The following GPC5 variants were observed in gnomAD, a reference collection of about 807,000 sequenced individuals.
The protein encoded by GPC5 is glypican-5.
A neutral mutation model predicts 53.9 loss-of-function variants in GPC5; 47 were observed. The observed-to-expected ratio is 0.87, with a 90% CI of 0.69 to 1.11. The LOEUF is 1.11. GPC5 is among the 50% of genes most tolerant of loss of function. The pLI, the probability that GPC5 is intolerant of heterozygous loss-of-function variation, is 0.00. For synonymous variants in GPC5, 286 were observed against 263.3 expected (o/e 1.09, Z -0.84); for missense variants, 748 against 713.1 (o/e 1.05, Z -0.56).
At chr13:91,724,564 A>C (rs1033601230) in intron 3 of GPC5, among the ~76,000 whole-genome samples, 3 of 152,076 alleles carry the variant, frequency 2.0e-5, no homozygotes, top group African/African-American at 7.2e-5. Flanking sequence ...AATGGAGACT[A>C]TGGGGTAGGC....
At chr13:92,347,246 A>G (rs190991332) in intron 7 of GPC5, among the ~76,000 whole-genome samples, 1 of 152,326 alleles carries the variant, frequency 6.6e-6, no homozygotes, top group Non-Finnish European at 1.5e-5. Context: ...AAGACACATA[A>G]TAATCAAACT....
At chr13:92,491,001 T>C (rs1314701407) in intron 7 of GPC5, among the ~76,000 whole-genome samples, 1 of 152,082 alleles carries the variant, frequency 6.6e-6, no homozygotes. Flanking sequence ...CAGATACCTA[T>C]GGAAACTGAG....
intron 5 of GPC5, among the ~76,000 whole-genome samples, chr13:91,766,424 A>G (rs1436100378): frequency 6.6e-6 from 1 of 152,232 alleles, no homozygotes; most frequent in Admixed American, 6.5e-5. Context: ...GCAACCATTC[A>G]TTCATAAAGC....
intron 6 of GPC5, among the ~76,000 whole-genome samples, chr13:92,031,467 C>T (rs1450103061): frequency 1.3e-5 from 2 of 151,424 alleles, no homozygotes; most frequent in Non-Finnish European, 2.9e-5. Context: ...ACACTGTTTT[C>T]CATAGTGATT....
chr13:92,498,833 G>A (rs947421345), intron 7 of GPC5, among the ~76,000 whole-genome samples: 31 of 152,022 alleles, frequency 2.0e-4, no homozygotes, highest in Non-Finnish European at 1.0e-4. Flanking sequence ...ATTCTCGTTC[G>A]CATATTATCC....
chr13:92,068,785 G>C (rs1359991542), intron 6 of GPC5, among the ~76,000 whole-genome samples: 1 of 151,388 alleles, frequency 6.6e-6, no homozygotes, highest in Admixed American at 6.6e-5. Context: ...AACTTAATTT[G>C]TTTTTAATTT....
chr13:91,779,003 C>T (rs2037754967), intron 5 of GPC5, among the ~76,000 whole-genome samples: 1 of 152,146 alleles, frequency 6.6e-6, no homozygotes, highest in African/African-American at 2.4e-5. Flanking sequence ...ATAGAAAAGG[C>T]ACAGTAGAAA....
chr13:92,699,960 T>C (rs111884971), intron 7 of GPC5, among the ~76,000 whole-genome samples: 9 of 152,234 alleles, frequency 5.9e-5, no homozygotes, highest in Middle Eastern at 3.4e-3. Context: ...GTTCCAGAGA[T>C]GAGTTCAAAT....
At chr13:92,223,162 A>G (rs899907459) in intron 7 of GPC5, among the ~76,000 whole-genome samples, 1 of 152,188 alleles carries the variant, frequency 6.6e-6, no homozygotes, top group Non-Finnish European at 1.5e-5. Flanking sequence ...ATGAATATTA[A>G]TAGCATAAAC....
intron 7 of GPC5, among the ~76,000 whole-genome samples, chr13:92,208,691 C>T (rs998608308): frequency 6.6e-6 from 1 of 152,102 alleles, no homozygotes; most frequent in Non-Finnish European, 1.5e-5. Context: ...ATGAAAGGGT[C>T]GCTCTACCAT....
At chr13:92,440,253 C>A (rs1163227711) in intron 7 of GPC5, among the ~76,000 whole-genome samples, 1 of 152,158 alleles carries the variant, frequency 6.6e-6, no homozygotes, top group African/African-American at 2.4e-5. Context: ...TTACCCCTCC[C>A]TCTCTCTCCA....
intron 1 of GPC5, among the ~76,000 whole-genome samples, chr13:91,414,381 G>A (rs1449095484): frequency 6.6e-6 from 1 of 152,238 alleles, no homozygotes; most frequent in African/African-American, 2.4e-5. Context: ...CTCCAGCTAT[G>A]CAGAACGGAG....
intron 7 of GPC5, among the ~76,000 whole-genome samples, chr13:92,489,605 C>T (rs1247448214): frequency 2.0e-5 from 3 of 152,116 alleles, no homozygotes; most frequent in Non-Finnish European, 4.4e-5. Flanking sequence ...TGAGGCAGGG[C>T]TGCTCTCAGA....
intron 7 of GPC5, among the ~76,000 whole-genome samples, chr13:92,774,246 G>A (rs1875715324): frequency 6.6e-6 from 1 of 152,126 alleles, no homozygotes; most frequent in Non-Finnish European, 1.5e-5. Context: ...ACTTAACCTT[G>A]CAGGTATAGC....
chr13:92,265,428 T>G (rs1291648427), intron 7 of GPC5, among the ~76,000 whole-genome samples: 1 of 152,190 alleles, frequency 6.6e-6, no homozygotes, highest in East Asian at 1.9e-4. Context: ...GCCAAATTAT[T>G]TGCCACTTTG....
intron 2 of GPC5, among the ~76,000 whole-genome samples, chr13:91,488,303 C>T (rs9556095): frequency 0.31 from 46,840 of 151,942 alleles, 7,672 homozygotes; most frequent in East Asian, 0.59. Context: ...TATAAACTAA[C>T]CCGCTTGTAA....
chr13:92,182,308 A>G (rs2042152572), intron 7 of GPC5, among the ~76,000 whole-genome samples: 2 of 152,186 alleles, frequency 1.3e-5, no homozygotes, highest in Admixed American at 6.5e-5. Context: ...AAACAGAAAA[A>G]CTGACTTTAT....
intron 7 of GPC5, among the ~76,000 whole-genome samples, chr13:92,857,957 C>T (rs1012910430): frequency 2.0e-5 from 3 of 152,094 alleles, no homozygotes; most frequent in Non-Finnish European, 2.9e-5. Context: ...CCCAGCAATC[C>T]GATTACTGGT....
At chr13:92,113,361 A>T in intron 6 of GPC5, among the ~76,000 whole-genome samples, 1 of 152,272 alleles carries the variant, frequency 6.6e-6, no homozygotes, top group South Asian at 2.1e-4. Context: ...TATATTCTGT[A>T]TAACTGTTAC....
Sources: allele counts gnomAD v4.1 joint callset (sites outside exome capture counted in the v4.1 genomes callset), GRCh38; gene constraint gnomAD v4.1.1; transcripts MANE v1.5; gene names NCBI Gene and HGNC (gene_info 2026-07-23, HGNC 2026-07-21).